NLGN1: variants seen among roughly 807,000 people sequenced by gnomAD.
NLGN1 encodes neuroligin 1, also known as neuroligin-1.
A neutral mutation model predicts 65.5 loss-of-function variants in NLGN1; 12 were observed. That is an observed-to-expected ratio of 0.18 (90% CI 0.12 to 0.30). The LOEUF is 0.30. Ranked by LOEUF, NLGN1 falls within the 10% of genes least tolerant of loss-of-function variation. The pLI is 1.00. For synonymous variants in NLGN1, 350 were observed against 359.5 expected, an observed-to-expected ratio of 0.97 and a Z score of 0.30; for missense variants, 750 against 1,007.1, an observed-to-expected ratio of 0.74 and a Z score of 3.46.
chr3:173,615,160 A>G (rs1752868327), intron 3 of NLGN1, among the ~76,000 whole-genome samples: 1 of 152,162 alleles, frequency 6.6e-6, no homozygotes, highest in Non-Finnish European at 1.5e-5. Context: ...GCCTCAGACT[A>G]TCATCAGGTA....
intron 4 of NLGN1, chr3:174,180,711 G>A (rs569409262): frequency 6.6e-6 from 1 of 152,172 alleles, no homozygotes; most frequent in South Asian, 2.1e-4. Flanking sequence ...GTGTTCTTGT[G>A]TGTCTACTCT....
At chr3:173,470,086 C>T (rs1427250180) in intron 2 of NLGN1, among the ~76,000 whole-genome samples, 2 of 151,988 alleles carry the variant, frequency 1.3e-5, no homozygotes, top group Non-Finnish European at 2.9e-5. Context: ...TTAGAATTGA[C>T]TTGCCCTCTT....
intron 4 of NLGN1, among the ~76,000 whole-genome samples, chr3:174,135,127 A>G (rs373188815): frequency 6.6e-6 from 1 of 152,308 alleles, no homozygotes; most frequent in East Asian, 1.9e-4. Context: ...TAAGATTTCT[A>G]ATGCATCTTA....
intron 3 of NLGN1, among the ~76,000 whole-genome samples, chr3:173,660,031 G>T (rs1446919219): frequency 1.3e-5 from 2 of 151,882 alleles, no homozygotes; most frequent in African/African-American, 4.8e-5. Flanking sequence ...TTGTTGATTT[G>T]TATAGGTCTC....
At chr3:173,556,420 A>G (rs1741713397) in intron 2 of NLGN1, among the ~76,000 whole-genome samples, 2 of 152,214 alleles carry the variant, frequency 1.3e-5, no homozygotes, top group Non-Finnish European at 2.9e-5. Context: ...TTTAGTTAAA[A>G]TATTTTCTAA....
At chr3:173,718,860 C>T (rs556379391) in intron 3 of NLGN1, among the ~76,000 whole-genome samples, 1 of 152,146 alleles carries the variant, frequency 6.6e-6, no homozygotes, top group South Asian at 2.1e-4. Flanking sequence ...TGTTTTTAAA[C>T]AATAATGTGT....
At chr3:174,110,270 C>T (rs1016137580) in intron 4 of NLGN1, among the ~76,000 whole-genome samples, 6 of 152,124 alleles carry the variant, frequency 3.9e-5, no homozygotes, top group South Asian at 2.1e-4. Flanking sequence ...CTTTTTCCAG[C>T]TTTTCCACAT....
At chr3:173,951,713 G>A (rs537623238) in intron 4 of NLGN1, among the ~76,000 whole-genome samples, 2 of 151,876 alleles carry the variant, frequency 1.3e-5, no homozygotes, top group East Asian at 3.9e-4. Flanking sequence ...TGCACACCTC[G>A]ACCTCCCAAA....
Position 174,184,410 on chromosome 3 carries a change from T to C in NLGN1, c.647-90905T>C, listed in dbSNP as rs9812301. ...CATAAAGATTAACTTCAGTATTACA[T>C]CAAATCATTCTTCTAAAGCTATTTA... On this transcript the variant is annotated intron_variant, in intron 4 of 6. Transcript: ENST00000457714. Among the ~76,000 whole-genome samples, 926 of 152,282 alleles carry C rather than the reference T, an allele frequency of 6.1e-3. 10 individuals carry two copies. Among genetic ancestry groups the C allele is most frequent in the African/African-American group, 0.021 (871 of 41,572 alleles).
intron 2 of NLGN1, among the ~76,000 whole-genome samples, chr3:173,578,368 T>G (rs981168280): frequency 3.3e-5 from 5 of 152,096 alleles, no homozygotes; most frequent in African/African-American, 1.2e-4. Flanking sequence ...ATAATGAAAA[T>G]TCAGGCTAGT....
At chr3:173,572,384 A>G (rs1335673469) in intron 2 of NLGN1, among the ~76,000 whole-genome samples, 1 of 152,240 alleles carries the variant, frequency 6.6e-6, no homozygotes, top group Non-Finnish European at 1.5e-5. Context: ...AAAAAACATT[A>G]TTTTGGTGTC....
chr3:173,625,510 T>A (rs1332607231), intron 3 of NLGN1, among the ~76,000 whole-genome samples: 2 of 152,162 alleles, frequency 1.3e-5, no homozygotes, highest in South Asian at 4.1e-4. Flanking sequence ...TCCAAGGGCA[T>A]GTGGAAAAGT....
At chr3:173,462,546 C>T (rs1055878154) in intron 2 of NLGN1, among the ~76,000 whole-genome samples, 1 of 152,074 alleles carries the variant, frequency 6.6e-6, no homozygotes, top group African/African-American at 2.4e-5. Context: ...ATTAGAAAGT[C>T]ACCTTCTCCC....
At chr3:173,657,453 C>T (rs1168882490) in intron 3 of NLGN1, among the ~76,000 whole-genome samples, 1 of 151,916 alleles carries the variant, frequency 6.6e-6, no homozygotes, top group Non-Finnish European at 1.5e-5. Flanking sequence ...TTCTCTGTCC[C>T]TCCTGCCCCC....
Position 173,827,410 on chromosome 3 carries a change from A to G in NLGN1, c.646+19578A>G, listed in dbSNP as rs186386561. The stretch of plus-strand genomic sequence containing the variant: ...GAAAACTGTTCTCTTCGGAGAGAGG[A>G]TGCCTGAGCTGGATTTTAAATGAGG... On this transcript the variant is annotated intron_variant, in intron 4 of 6. Transcript: ENST00000457714. 2.8e-3 allele frequency among the ~76,000 whole-genome samples: 422 copies of G among 152,126 alleles called. 1 individual carries two copies. The highest frequency in any genetic ancestry group is 4.1e-3 in the Non-Finnish European group (280 of 67,954).
At chr3:173,638,088 T>TC (rs1560089740) in intron 3 of NLGN1, among the ~76,000 whole-genome samples, 1 of 152,206 alleles carries the variant, frequency 6.6e-6, no homozygotes, top group African/African-American at 2.4e-5. Flanking sequence ...GATTTTTTTT[T>TC]CACCTATGAT....
At chr3:174,144,555 C>T (rs979178496) in intron 4 of NLGN1, among the ~76,000 whole-genome samples, 8 of 152,324 alleles carry the variant, frequency 5.3e-5, no homozygotes, top group African/African-American at 1.9e-4. Context: ...ATTCCTATTT[C>T]TCCACATCCT....
intron 4 of NLGN1, among the ~76,000 whole-genome samples, chr3:173,927,178 C>G (rs1160138772): frequency 1.3e-5 from 2 of 152,174 alleles, no homozygotes; most frequent in East Asian, 3.9e-4. Flanking sequence ...ATTCTCCTGC[C>G]TCAGCCTCCT....
intron 3 of NLGN1, among the ~76,000 whole-genome samples, chr3:173,786,200 G>A (rs912799774): frequency 2.6e-5 from 4 of 152,022 alleles, no homozygotes; most frequent in Admixed American, 6.6e-5. Flanking sequence ...TTTTATACAG[G>A]GATTAAATCT....
Sources: gnomAD v4.1 joint callset for allele counts (sites outside exome capture counted in the v4.1 genomes callset) on GRCh38, gnomAD v4.1.1 for gene constraint, MANE v1.5 for transcripts, NCBI Gene and HGNC (gene_info 2026-07-23, HGNC 2026-07-21) for gene names.